Variants in CAMTA1 observed in about 807,000 individuals in gnomAD.
CAMTA1 encodes the protein calmodulin-binding transcription activator 1.
CAMTA1 carries 27 observed loss-of-function variants against 170.9 expected under a neutral mutation model. The ratio of observed to expected loss-of-function variants is 0.16; its 90% CI spans 0.12 to 0.22. CAMTA1 has a LOEUF of 0.22. Among genes scored for constraint, CAMTA1 ranks in the 10% least tolerant of loss-of-function variants. The probability of loss-of-function intolerance (pLI) is 1.00; values close to 1 mark genes in which losing one functional copy is unlikely to be tolerated. For synonymous variants in CAMTA1, 833 were observed against 891.5 expected (o/e 0.93, Z 1.17); for missense variants, 1,619 against 2,217.2 (o/e 0.73, Z 5.42).
chr1:7,625,864 G>A (rs2095629905), intron 6 of CAMTA1, among the ~76,000 whole-genome samples: 1 of 152,240 alleles, frequency 6.6e-6, no homozygotes, highest in Non-Finnish European at 1.5e-5. Flanking sequence ...ACTTGCCTAT[G>A]TCATTAGTAT....
At chr1:7,190,519 G>A (rs1405746209) in intron 4 of CAMTA1, among the ~76,000 whole-genome samples, 1 of 152,154 alleles carries the variant, frequency 6.6e-6, no homozygotes, top group African/African-American at 2.4e-5. Context: ...GGAAAAATAG[G>A]CAGAGTTAGT....
chr1:7,684,939 C>G (rs542398570), intron 11 of CAMTA1, among the ~76,000 whole-genome samples: 11 of 152,288 alleles, frequency 7.2e-5, no homozygotes, highest in Admixed American at 6.5e-4. Flanking sequence ...GGGTTCTGCC[C>G]TAGGTGTTGT....
intron 4 of CAMTA1, among the ~76,000 whole-genome samples, chr1:7,227,379 G>A (rs187714307): frequency 1.4e-4 from 22 of 152,198 alleles, no homozygotes; most frequent in Admixed American, 1.0e-3. Context: ...CTAGGCTGAC[G>A]TGCAATGGTG....
At chr1:6,842,156 T>A (rs576145366) in intron 3 of CAMTA1, among the ~76,000 whole-genome samples, 67 of 152,350 alleles carry the variant, frequency 4.4e-4, no homozygotes, top group African/African-American at 1.6e-3. Context: ...TTGTTACGTT[T>A]TAATAACATT....
At chr1:7,512,702 C>G (rs1049067728) in intron 6 of CAMTA1, among the ~76,000 whole-genome samples, 1 of 152,138 alleles carries the variant, frequency 6.6e-6, no homozygotes, top group Non-Finnish European at 1.5e-5. Context: ...ACCCAGCATC[C>G]GTAACATAGA....
Position 7,700,129 on chromosome 1 carries a change from A to AT in CAMTA1, c.2914+22404dup, listed in dbSNP as rs958068193. ...CAAGGTCATGAAGGTTTACTGCCGT[A>AT]TTTTTTTTCCAAGAGTTTTGTAGCT... On this transcript the variant is annotated intron_variant, in intron 11 of 22. Transcript: ENST00000303635. Among the ~76,000 whole-genome samples, 6 of 151,218 alleles carry AT rather than the reference A, an allele frequency of 4.0e-5. No individual in the cohort carries two copies. In the East Asian group the frequency reaches 5.8e-4, roughly 15 times the overall value.
At chr1:6,935,574 C>G (rs189781825) in intron 3 of CAMTA1, among the ~76,000 whole-genome samples, 6 of 152,326 alleles carry the variant, frequency 3.9e-5, no homozygotes, top group African/African-American at 7.2e-5. Flanking sequence ...GCGATCTCCT[C>G]CAGACCCAGC....
chr1:7,577,306 C>A lies in CAMTA1; in HGVS notation c.511-63094C>A, dbSNP rs186812027. On this transcript the variant is annotated intron_variant, in intron 6 of 22. Coordinates refer to ENST00000303635, the MANE Select transcript of CAMTA1 (RefSeq NM_015215.4). The stretch of plus-strand genomic sequence containing the variant: ...GTGTGCCATCACTGAAAAGGGCCCC[C>A]CCTTGTGCTTATTTTTTGCAGATTA... 3.6e-4 allele frequency among the ~76,000 whole-genome samples: 54 copies of A among 152,002 alleles called. 1 individual carries two copies. The South Asian group carries it at 8.1e-3, about 23-fold the overall frequency.
At chr1:7,745,716 G>GA in intron 17 of CAMTA1, 129 bp from the exon 18 acceptor site, 1 of 1,093,280 alleles carries the variant, frequency 9.1e-7, no homozygotes, top group Non-Finnish European at 1.4e-6. Flanking sequence ...TTGCCTAACT[G>GA]AATGAAGGCA....
At chr1:7,579,258 G>T (rs2095234213) in intron 6 of CAMTA1, among the ~76,000 whole-genome samples, 1 of 152,350 alleles carries the variant, frequency 6.6e-6, no homozygotes, top group Admixed American at 6.5e-5. Context: ...CCATTGCATG[G>T]TTGCCGTCCC....
At chr1:6,801,288 C>T (rs146311529) in intron 1 of CAMTA1, among the ~76,000 whole-genome samples, 2 of 152,192 alleles carry the variant, frequency 1.3e-5, no homozygotes, top group East Asian at 3.9e-4. Flanking sequence ...GGCGACCTCT[C>T]TAACTGGGCT....
At chr1:6,911,624 A>G (rs1202452804) in intron 3 of CAMTA1, among the ~76,000 whole-genome samples, 1 of 152,104 alleles carries the variant, frequency 6.6e-6, no homozygotes, top group Non-Finnish European at 1.5e-5. Flanking sequence ...GTAGACCTTC[A>G]TAGGGCTGAG....
At chr1:6,926,890 CCAG>C (rs1292414049) in intron 3 of CAMTA1, among the ~76,000 whole-genome samples, 1 of 151,956 alleles carries the variant, frequency 6.6e-6, no homozygotes, top group African/African-American at 2.4e-5. Flanking sequence ...GCCACCATGC[CCAG>C]CTAACTCTTT....
chr1:7,546,661 A>G (rs747854808), intron 6 of CAMTA1, among the ~76,000 whole-genome samples: 17 of 152,210 alleles, frequency 1.1e-4, no homozygotes, highest in Admixed American at 7.2e-4. Context: ...CATCGCCAGC[A>G]TCTGTTGTTT....
At chr1:7,034,621 G>A (rs1438874423) in intron 3 of CAMTA1, among the ~76,000 whole-genome samples, 1 of 152,118 alleles carries the variant, frequency 6.6e-6, no homozygotes, top group Non-Finnish European at 1.5e-5. Context: ...TGGCTGCCTT[G>A]GCCTTCTTAC....
chr1:7,554,696 AGCGTCT>A (rs2094852608), intron 6 of CAMTA1, among the ~76,000 whole-genome samples: 1 of 151,800 alleles, frequency 6.6e-6, no homozygotes, highest in Non-Finnish European at 1.5e-5. Flanking sequence ...CCCTCTCCTT[AGCGTCT>A]GCCTTTGACC....
intron 3 of CAMTA1, among the ~76,000 whole-genome samples, chr1:6,839,705 G>T (rs184301057): frequency 6.6e-5 from 10 of 152,318 alleles, no homozygotes; most frequent in African/African-American, 2.2e-4. Flanking sequence ...AATGATAAAG[G>T]AAAGCCAGCT....
rs183854931 is a variant in CAMTA1 at position 7,463,426 on chromosome 1, C to T, written c.439-4404C>T. On this transcript the variant is annotated intron_variant, in intron 5 of 22. Coordinates refer to ENST00000303635, the MANE Select transcript of CAMTA1 (RefSeq NM_015215.4). The surrounding 1 kb of genome is among the most constrained non-coding windows in gnomAD (Gnocchi z 4.7). ...AAACGGAGAGAGAAATAAAGACAGA[C>T]GGGGAGAGACAGATGGGGGAAATGG... is the stretch of plus-strand genomic sequence containing the variant. Among the ~76,000 whole-genome samples, 318 of 149,992 alleles carry T rather than the reference C, an allele frequency of 2.1e-3. 1 individual carries two copies. The highest frequency in any genetic ancestry group is 4.9e-3 in the Admixed American group (74 of 15,030).
At chr1:7,012,801 ACTT>A (rs1438791903) in intron 3 of CAMTA1, among the ~76,000 whole-genome samples, 13 of 151,898 alleles carry the variant, frequency 8.6e-5, no homozygotes, top group Non-Finnish European at 1.5e-4. Context: ...CCTGTCTGCC[ACTT>A]GTGTGCAGAC....
Sources: gnomAD v4.1 joint callset for allele counts (sites outside exome capture counted in the v4.1 genomes callset) on GRCh38, gnomAD v4.1.1 for gene constraint, Gnocchi (gnomAD v3.1) non-coding constraint, MANE v1.5 for transcripts, NCBI Gene and HGNC (gene_info 2026-07-23, HGNC 2026-07-21) for gene names.